MBIP: variants seen among roughly 807,000 people sequenced by gnomAD.
MBIP encodes the protein MAP3K12-binding inhibitory protein 1.
MBIP carries 32 observed loss-of-function variants against 45.7 expected under a neutral mutation model. The observed-to-expected ratio is 0.70, with a 90% confidence interval of 0.53 to 0.94. The LOEUF is 0.94. Among genes scored for constraint, MBIP ranks in the 40% least tolerant of loss-of-function variants. The pLI is 0.00. For synonymous variants in MBIP, 145 were observed against 141.0 expected, an observed-to-expected ratio of 1.03 and a Z score of -0.20; for missense variants, 381 against 405.5, an observed-to-expected ratio of 0.94 and a Z score of 0.52.
At chr14:36,317,653 A>G (rs1474595286) in intron 1 of MBIP, among the ~76,000 whole-genome samples, 1 of 152,124 alleles carries the variant, frequency 6.6e-6, no homozygotes, top group Admixed American at 6.6e-5. Flanking sequence ...AAAATTTTAC[A>G]ATGAGAGCGC....
intron 2 of MBIP, 63 bp downstream of exon 2, chr14:36,316,618 AAATACTCCAACT>A (rs1880585451): frequency 1.5e-6 from 2 of 1,375,036 alleles, no homozygotes; most frequent in Admixed American, 2.1e-5. Context: ...TAGAACTGTC[AAATACTCCAACT>A]AACTTAACCA....
In MBIP at chr14:36,314,852, C is replaced by T. The variant is rs1265716367; in HGVS notation, c.313G>A (p.Gly105Arg). The T allele has an allele frequency of 6.2e-7, 1 of 1,613,418 alleles. No individual in the cohort carries two copies. Among genetic ancestry groups the T allele is most frequent in the Admixed American group, 1.7e-5 (1 of 59,940 alleles). ...TTTTTGTTCCCCATTTCTGTTCTTC[C>T]TATCTCTTCAACAGCAGTTGTATTC... ...EENTTAVEEI[G>R]RTEMGNKNEV... Residue 105 changes from glycine to arginine, a missense_variant, in exon 3 of 9, where the codon GGA (glycine) becomes AGA (arginine). By Grantham distance (125) the Gly-to-Arg change is moderately radical (BLOSUM62 -2). Coordinates refer to ENST00000416007, the MANE Select transcript of MBIP (RefSeq NM_016586.3).
chr14:36,310,609 T>C (rs1475841691), intron 6 of MBIP, among the ~76,000 whole-genome samples: 1 of 152,184 alleles, frequency 6.6e-6, no homozygotes, highest in African/African-American at 2.4e-5. Flanking sequence ...ATAGTTGCAC[T>C]CTCACGGACT....
At chr14:36,306,546 T>C (rs1252753903) in intron 7 of MBIP, among the ~76,000 whole-genome samples, 1 of 152,214 alleles carries the variant, frequency 6.6e-6, no homozygotes, top group Non-Finnish European at 1.5e-5. Context: ...GTGCTGGGAT[T>C]ACAGGCGTGA....
intron 7 of MBIP, 99 bp from the exon 8 acceptor site, chr14:36,300,922 T>C: frequency 1.4e-6 from 1 of 718,458 alleles, no homozygotes; most frequent in Non-Finnish European, 2.2e-6. Context: ...TTGGGAACCC[T>C]GACAGAAAAA....
At chr14:36,316,882 A>C in intron 1 of MBIP, 70 bp from the exon 2 acceptor site, 2 of 1,489,490 alleles carry the variant, frequency 1.3e-6, no homozygotes, top group Non-Finnish European at 1.8e-6. Context: ...ATTGTCACAA[A>C]AATAAGATTT....
chr14:36,300,779 A>G lies in MBIP; in HGVS notation c.927+6T>C, dbSNP rs749605192. 19 of 1,548,826 alleles carry G rather than the reference A, an allele frequency of 1.2e-5. No individual in the cohort carries two copies. The South Asian group carries it at 1.9e-4, about 16-fold the overall frequency. ...CAGAAACCAAAATGAAAATGCAGTA[A>G]CTTACTTGAGGTGGTTGAACTTTTC... On this transcript the variant is annotated splice_donor_region_variant and intron_variant, in intron 8 of 8. Coordinates refer to ENST00000416007, the MANE Select transcript of MBIP (RefSeq NM_016586.3).
intron 1 of MBIP, 137 bp downstream of exon 1, chr14:36,320,323 T>G (rs1177608837): frequency 1.6e-6 from 2 of 1,240,630 alleles, no homozygotes; most frequent in Non-Finnish European, 1.1e-6. Context: ...GGGCCCGGGC[T>G]CCTTCCACAC....
At chr14:36,302,502 A>C (rs1198053995) in intron 7 of MBIP, among the ~76,000 whole-genome samples, 1 of 137,562 alleles carries the variant, frequency 7.3e-6, no homozygotes, top group Non-Finnish European at 1.5e-5. Context: ...AAAAAAAAAA[A>C]AAAAAAAAAA....
chr14:36,306,678 T>C (rs2139208810), intron 7 of MBIP, among the ~76,000 whole-genome samples: 1 of 152,302 alleles, frequency 6.6e-6, no homozygotes, highest in Middle Eastern at 3.4e-3. Flanking sequence ...GTAAGATCGG[T>C]TCTATCGTTA....
intron 6 of MBIP, among the ~76,000 whole-genome samples, chr14:36,310,625 G>A (rs143353272): frequency 6.6e-6 from 1 of 152,308 alleles, no homozygotes; most frequent in East Asian, 1.9e-4. Context: ...GGACTATCTA[G>A]CAGGAGACAG....
At chr14:36,312,793 C>T in intron 4 of MBIP, among the ~76,000 whole-genome samples, 1 of 151,102 alleles carries the variant, frequency 6.6e-6, no homozygotes, top group East Asian at 1.9e-4. Flanking sequence ...TACGATACTA[C>T]ATAGTAATAA....
intron 7 of MBIP, 34 bp from the exon 8 acceptor site, chr14:36,300,857 A>G (rs1447973060): frequency 2.0e-5 from 26 of 1,282,848 alleles, no homozygotes; most frequent in Non-Finnish European, 2.8e-5. Flanking sequence ...TGTTTAGAAA[A>G]ATCTAAGCAT....
intron 7 of MBIP, 30 bp downstream of exon 7, chr14:36,308,062 C>G (rs1435588288): frequency 8.5e-7 from 1 of 1,178,548 alleles, no homozygotes. Context: ...ATAACATTTT[C>G]ATTTATTTTT....
chr14:36,309,396 C>T (rs1566551030), intron 6 of MBIP, among the ~76,000 whole-genome samples: 1 of 152,192 alleles, frequency 6.6e-6, no homozygotes. Flanking sequence ...TTAGGTAGGG[C>T]TGTGCAGCTT....
intron 4 of MBIP, among the ~76,000 whole-genome samples, chr14:36,312,368 G>A (rs891652328): frequency 1.3e-5 from 2 of 151,982 alleles, no homozygotes; most frequent in Non-Finnish European, 2.9e-5. Flanking sequence ...CTACTTCATC[G>A]TAGAAATAAA....
At chr14:36,310,487 T>C (rs1160317562) in intron 6 of MBIP, among the ~76,000 whole-genome samples, 1 of 152,176 alleles carries the variant, frequency 6.6e-6, no homozygotes, top group Non-Finnish European at 1.5e-5. Flanking sequence ...TTTCTGTCCC[T>C]CCGTACATAC....
At chr14:36,300,977 T>A (rs567633977) in intron 7 of MBIP, 154 bp from the exon 8 acceptor site, 44 of 515,452 alleles carry the variant, frequency 8.5e-5, no homozygotes, top group Admixed American at 2.9e-4. Flanking sequence ...GTAACCAACA[T>A]CTACCTTATA....
chr14:36,311,809 T>C (rs1025762533), intron 5 of MBIP, 84 bp from the exon 6 acceptor site: 15 of 1,309,558 alleles, frequency 1.1e-5, no homozygotes, highest in Non-Finnish European at 1.5e-5. Context: ...TTTATATTTT[T>C]TTCATAAAGA....
Sources: gnomAD v4.1 joint callset for allele counts (sites outside exome capture counted in the v4.1 genomes callset) on GRCh38, gnomAD v4.1.1 for gene constraint, MANE v1.5 for transcripts, NCBI Gene and HGNC (gene_info 2026-07-23, HGNC 2026-07-21) for gene names.